The following EPB41L3 variants were observed in gnomAD, a reference collection of about 807,000 sequenced individuals.
EPB41L3 encodes the protein band 4.1-like protein 3.
Under a neutral mutation model 127.1 loss-of-function variants are expected in EPB41L3, and 57 were observed. The observed-to-expected ratio is 0.45, with a 90% CI of 0.36 to 0.56. The LOEUF (loss-of-function observed/expected upper bound fraction) is 0.56. Among genes scored for constraint, EPB41L3 ranks in the 20% least tolerant of loss-of-function variants. The probability of loss-of-function intolerance (pLI) is 0.00; values close to 1 mark genes in which losing one functional copy is unlikely to be tolerated. For missense variants in EPB41L3, 1,273 were observed against 1,372.2 expected (o/e 0.93, Z 1.14); for synonymous variants, 572 against 549.5 (o/e 1.04, Z -0.57).
chr18:5,510,716 G>C (rs558696514), intron 1 of EPB41L3, among the ~76,000 whole-genome samples: 4 of 152,316 alleles, frequency 2.6e-5, no homozygotes, highest in African/African-American at 9.6e-5. Context: ...TCAGCAGAGA[G>C]CAGCAGTTTT....
chr18:5,539,658 T>C (rs1457414256), intron 1 of EPB41L3: 1 of 152,268 alleles, frequency 6.6e-6, no homozygotes, highest in Non-Finnish European at 1.5e-5. Context: ...AAGGAACATC[T>C]GCAGCCATTC....
In EPB41L3 at chr18:5,460,771, G is replaced by A. The variant is rs535608839; in HGVS notation, c.382-15527C>T. 9.2e-5 allele frequency among the ~76,000 whole-genome samples: 14 copies of A among 152,280 alleles called. No individual in the cohort carries two copies. In the South Asian group the frequency reaches 2.9e-3, roughly 32 times the overall value. ...GTTTTTGTGGCATGGACACCGGGTT[G>A]AGGCTTCCTCCTCTGTGCCTGTTAG... On this transcript the variant is annotated intron_variant, in intron 3 of 22. Transcript: ENST00000341928.
intron 1 of EPB41L3, among the ~76,000 whole-genome samples, chr18:5,520,010 C>A (rs138854648): frequency 6.6e-6 from 1 of 152,050 alleles, no homozygotes; most frequent in East Asian, 1.9e-4. Context: ...TTGACGCAAC[C>A]CAAGGAGCTT....
chr18:5,484,115 A>T (rs1383650857), intron 2 of EPB41L3, among the ~76,000 whole-genome samples: 1 of 143,396 alleles, frequency 7.0e-6, no homozygotes, highest in Non-Finnish European at 1.5e-5. Flanking sequence ...AAAAAAAAAA[A>T]AAAAAACAGA....
intron 2 of EPB41L3, among the ~76,000 whole-genome samples, chr18:5,483,071 A>G (rs1194982960): frequency 6.6e-6 from 1 of 152,158 alleles, no homozygotes; most frequent in East Asian, 1.9e-4. Context: ...ATCAAAAACA[A>G]TAATACCTAC....
chr18:5,625,485 T>C (rs564642729), intron 1 of EPB41L3, among the ~76,000 whole-genome samples: 1 of 152,194 alleles, frequency 6.6e-6, no homozygotes, highest in Admixed American at 6.5e-5. Flanking sequence ...GGTCCTACGG[T>C]AAGGGAGGAA....
At chr18:5,584,988 G>A (rs1225690769) in intron 3 of EPB41L3, among the ~76,000 whole-genome samples, 1 of 152,006 alleles carries the variant, frequency 6.6e-6, no homozygotes, top group Non-Finnish European at 1.5e-5. Context: ...TTGTGTAGAG[G>A]AGGTACAGTT....
chr18:5,526,335 T>C (rs2093220860), intron 1 of EPB41L3, among the ~76,000 whole-genome samples: 1 of 152,218 alleles, frequency 6.6e-6, no homozygotes, highest in Non-Finnish European at 1.5e-5. Flanking sequence ...AGGGTCCAGA[T>C]GTCCCCACAC....
chr18:5,530,105 C>G (rs2093363439), intron 1 of EPB41L3, among the ~76,000 whole-genome samples: 1 of 152,132 alleles, frequency 6.6e-6, no homozygotes. Flanking sequence ...TTCCTTAGTT[C>G]AGATCATCCT....
At chr18:5,395,003 C>T in intron 21 of EPB41L3, 64 bp downstream of exon 21, 2 of 1,507,638 alleles carry the variant, frequency 1.3e-6, no homozygotes, top group Non-Finnish European at 1.8e-6. Flanking sequence ...AGCATTGAAA[C>T]TGTAGGACCA....
chr18:5,452,929 T>C (rs1335983377), intron 3 of EPB41L3, among the ~76,000 whole-genome samples: 2 of 152,162 alleles, frequency 1.3e-5, no homozygotes, highest in Non-Finnish European at 2.9e-5. Flanking sequence ...CCTTTTCTAA[T>C]AGAGCAGGAG....
chr18:5,589,738 T>C (rs1469429056), intron 3 of EPB41L3, among the ~76,000 whole-genome samples: 2 of 152,212 alleles, frequency 1.3e-5, no homozygotes, highest in African/African-American at 4.8e-5. Context: ...TCCTCATAAT[T>C]TTATGCACAC....
Position 5,455,545 on chromosome 18 carries a change from C to G in EPB41L3, c.382-10301G>C, listed in dbSNP as rs189053309. Among the ~76,000 whole-genome samples the G allele has an allele frequency of 5.3e-5, 8 of 151,838 alleles. No individual in the cohort carries two copies. In the South Asian group the frequency reaches 1.7e-3, roughly 32 times the overall value. Reference sequence around the variant, plus strand: ...CCTATGTTTTGACTTAGATTCAGTGCGCAAACACTTCAAGTACATACATGA... The same window carrying G: ...CCTATGTTTTGACTTAGATTCAGTGGGCAAACACTTCAAGTACATACATGA... On this transcript the variant is annotated intron_variant, in intron 3 of 22. Transcript: ENST00000341928.
intron 2 of EPB41L3, 177 bp downstream of exon 2, chr18:5,488,824 G>A: frequency 1.6e-6 from 1 of 606,568 alleles, no homozygotes; most frequent in Admixed American, 4.1e-5. Context: ...AAGCAAGGTT[G>A]TGGAATGTCA....
upstream of EPB41L3, among the ~76,000 whole-genome samples, chr18:5,545,221 A>G (rs180744890): frequency 6.6e-6 from 1 of 152,316 alleles, no homozygotes; most frequent in African/African-American, 2.4e-5. Flanking sequence ...TTTTTTTAAA[A>G]TAGAGCCTTC....
At chr18:5,465,576 G>T (rs1277578549) in intron 3 of EPB41L3, among the ~76,000 whole-genome samples, 1 of 152,030 alleles carries the variant, frequency 6.6e-6, no homozygotes, top group Non-Finnish European at 1.5e-5. Context: ...TTTATGGGGT[G>T]GAAATTCCAT....
chr18:5,416,587 T>C (rs974760443), intron 12 of EPB41L3, among the ~76,000 whole-genome samples: 1 of 152,216 alleles, frequency 6.6e-6, no homozygotes, highest in African/African-American at 2.4e-5. Flanking sequence ...CATGAGACTA[T>C]CACATACAGG....
intron 3 of EPB41L3, among the ~76,000 whole-genome samples, chr18:5,608,716 T>G (rs1442963028): frequency 2.0e-5 from 3 of 152,104 alleles, no homozygotes; most frequent in Non-Finnish European, 4.4e-5. Flanking sequence ...TCCAGGTACT[T>G]ATTGTTTCCT....
At chr18:5,629,919 G>A (rs1366731513), upstream of EPB41L3, among the ~76,000 whole-genome samples, 4 of 152,198 alleles carry the variant, frequency 2.6e-5, no homozygotes, top group Non-Finnish European at 5.9e-5. Flanking sequence ...CGGCGCGGAG[G>A]GGTGGAGGCA....
Sources: allele counts gnomAD v4.1 joint callset (sites outside exome capture counted in the v4.1 genomes callset), GRCh38; gene constraint gnomAD v4.1.1; transcripts MANE v1.5; gene names NCBI Gene and HGNC (gene_info 2026-07-23, HGNC 2026-07-21).